The following COL11A1 variants were observed in gnomAD, a reference collection of about 807,000 sequenced individuals.
The protein encoded by COL11A1 is collagen type XI alpha 1 chain.
In COL11A1, 74 loss-of-function variants were observed where a neutral mutation model predicts 265.2. That is an observed-to-expected ratio of 0.28 (90% confidence interval 0.23 to 0.34). The LOEUF is 0.34. Among genes scored for constraint, COL11A1 ranks in the 10% least tolerant of loss-of-function variants. The pLI, the probability that COL11A1 is intolerant of heterozygous loss-of-function variation, is 1.00. For synonymous variants in COL11A1, 816 were observed against 727.6 expected (o/e 1.12, Z -1.96); for missense variants, 2,165 against 2,263.6 (o/e 0.96, Z 0.88).
intron 47 of COL11A1, among the ~76,000 whole-genome samples, chr1:102,923,000 G>A (rs1557825191): frequency 4.6e-5 from 7 of 152,060 alleles, no homozygotes. Flanking sequence ...TTCAGTTCAG[G>A]TCTTAGAGAG....
chr1:103,042,539 T>C (rs1294366254), intron 4 of COL11A1, among the ~76,000 whole-genome samples: 2 of 151,916 alleles, frequency 1.3e-5, no homozygotes, highest in East Asian at 1.9e-4. Flanking sequence ...CTCCCGCAGG[T>C]TGGTTTCCGG....
chr1:103,031,262 A>G lies in COL11A1; in HGVS notation c.652-18T>C, dbSNP rs200309861. The stretch of plus-strand genomic sequence containing the variant: ...ATGTCCCCCTGGGAAAAAAAAAAAA[A>G]CAAAAACAAACAGACACAGATTCAG... On this transcript the variant is annotated intron_variant, in intron 4 of 66. Coordinates refer to ENST00000370096, the MANE Select transcript of COL11A1 (RefSeq NM_001854.4). The G allele has an allele frequency of 9.2e-6, 14 of 1,524,312 alleles. No individual in the cohort carries two copies. In the South Asian group the frequency reaches 1.5e-4, roughly 16 times the overall value. 94.4% of individuals were successfully genotyped at this position (1,524,312 alleles called of 1,614,324 possible).
At chr1:102,932,783 G>A (rs1045892754) in intron 46 of COL11A1, among the ~76,000 whole-genome samples, 4 of 151,440 alleles carry the variant, frequency 2.6e-5, no homozygotes, top group African/African-American at 7.3e-5. Context: ...TGGAGGCTTT[G>A]CTCATTTCTT....
At chr1:102,973,557 A>C (rs1409701653) in intron 36 of COL11A1, among the ~76,000 whole-genome samples, 3 of 152,212 alleles carry the variant, frequency 2.0e-5, no homozygotes, top group African/African-American at 2.4e-5. Context: ...AATTATAAGA[A>C]TGTTTATAAA....
intron 4 of COL11A1, among the ~76,000 whole-genome samples, chr1:103,039,417 T>C (rs1410741775): frequency 6.6e-6 from 1 of 152,124 alleles, no homozygotes; most frequent in African/African-American, 2.4e-5. Flanking sequence ...TGACTGTATT[T>C]GGAGACAGGG....
rs958923515 is a variant in COL11A1 at position 103,049,534 on chromosome 1, G to A, written c.652-18290C>T. Among the ~76,000 whole-genome samples, 4 of 152,168 alleles carry A rather than the reference G, an allele frequency of 2.6e-5. No individual in the cohort carries two copies. In the South Asian group the frequency reaches 6.2e-4, roughly 24 times the overall value. On this transcript the variant is annotated intron_variant, in intron 4 of 66. Coordinates refer to ENST00000370096, the MANE Select transcript of COL11A1 (RefSeq NM_001854.4). ...GGTTTCCTGAATACAGCACACTGAT[G>A]GGTCTTGACTCTTTATCCAATTTGC... is the stretch of plus-strand genomic sequence containing the variant.
intron 28 of COL11A1, among the ~76,000 whole-genome samples, chr1:102,993,313 T>C (rs929551858): frequency 2.6e-5 from 4 of 152,050 alleles, no homozygotes; most frequent in African/African-American, 9.7e-5. Flanking sequence ...TACAGTCTTC[T>C]CTTGGTATCT....
At position 102,913,660 on chromosome 1, in the gene COL11A1, C is replaced by T. The variant is rs1654969028; in HGVS notation, c.4009G>A (p.Glu1337Lys). The T allele has an allele frequency of 1.2e-6, 2 of 1,613,442 alleles. No individual in the cohort carries two copies. The highest frequency in any genetic ancestry group is 2.2e-5 in the South Asian group (2 of 91,072). Residue 1337 changes from glutamate to lysine, a missense_variant, in exon 53 of 67, where the codon GAA (glutamate) becomes AAA (lysine). By Grantham distance (56) the Glu-to-Lys change is moderately conservative. Transcript: ENST00000370096. ...GQDGVGGDKG[E>K]DGDPGQPGPP... The stretch of plus-strand genomic sequence containing the variant: ...ACCGGTTGACCAGGATCTCCATCTT[C>T]ACCCTTGTCACCACCAACACCATCT...
At chr1:102,928,663 T>C (rs1487539885) in intron 46 of COL11A1, among the ~76,000 whole-genome samples, 55 of 150,744 alleles carry the variant, frequency 3.6e-4, no homozygotes, top group Non-Finnish European at 7.0e-4. Context: ...CCCTGAGGAA[T>C]CGCCACACTG....
Position 103,001,910 on chromosome 1 carries a change from A to C in COL11A1, c.2142+15T>G. 5 of 1,612,758 alleles carry C rather than the reference A, an allele frequency of 3.1e-6. No individual in the cohort carries two copies. Among genetic ancestry groups the C allele is most frequent in the Non-Finnish European group, 4.2e-6 (5 of 1,178,794 alleles). ...CATGTTCACCAGGCTTTACGAGAACAACAGAGTAACTTACTTTTTCACCAG... is the reference window on the plus strand; with the variant it reads ...CATGTTCACCAGGCTTTACGAGAACCACAGAGTAACTTACTTTTTCACCAG... On this transcript the variant is annotated intron_variant, in intron 24 of 66. Coordinates refer to ENST00000370096, the MANE Select transcript of COL11A1 (RefSeq NM_001854.4).
In COL11A1 at chr1:103,053,020, TA is replaced by T. The variant is rs1436506601; in HGVS notation, c.651+21597del. The stretch of plus-strand genomic sequence containing the variant: ...AATAATAGACCTTAAAAGGGGGAAA[TA>T]AAACTAAGGTCATCAATACAGAGAC... On this transcript the variant is annotated intron_variant, in intron 4 of 66. Transcript: ENST00000370096. Among the ~76,000 whole-genome samples, 6 of 152,054 alleles carry T rather than the reference TA, an allele frequency of 3.9e-5. No individual in the cohort carries two copies. In the East Asian group the frequency reaches 1.2e-3, roughly 29 times the overall value.
chr1:103,051,016 G>A (rs893382516), intron 4 of COL11A1, among the ~76,000 whole-genome samples: 4 of 152,200 alleles, frequency 2.6e-5, no homozygotes, highest in African/African-American at 7.2e-5. Context: ...CCCCTACTGG[G>A]GGATGCCTCC....
At chr1:103,063,117 T>C (rs1220028843) in intron 4 of COL11A1, among the ~76,000 whole-genome samples, 1 of 152,070 alleles carries the variant, frequency 6.6e-6, no homozygotes, top group Non-Finnish European at 1.5e-5. Flanking sequence ...AATGACTCAA[T>C]ACTGTCAAGA....
At chr1:102,984,901 G>A (rs1663390991) in intron 30 of COL11A1, among the ~76,000 whole-genome samples, 1 of 151,870 alleles carries the variant, frequency 6.6e-6, no homozygotes, top group South Asian at 2.1e-4. Flanking sequence ...ATCTGAAAGT[G>A]CTAAAACAAA....
chr1:102,936,694 A>C (rs574287225), intron 44 of COL11A1, among the ~76,000 whole-genome samples: 1 of 152,318 alleles, frequency 6.6e-6, no homozygotes, highest in South Asian at 2.1e-4. Flanking sequence ...CAAATTATCA[A>C]TGAAGGATAT....
Position 103,002,826 on chromosome 1 carries a change from A to G in COL11A1, c.1999-35T>C, listed in dbSNP as rs765624412. On this transcript the variant is annotated intron_variant, in intron 21 of 66. Transcript: ENST00000370096. ...AGAAAAAGTATTTATGGTTGTTTATATGTTTTGATGCTAAAACAGAAAATC... is the reference window on the plus strand; with the variant it reads ...AGAAAAAGTATTTATGGTTGTTTATGTGTTTTGATGCTAAAACAGAAAATC... 8 of 1,587,836 alleles carry G rather than the reference A, an allele frequency of 5.0e-6. No individual in the cohort carries two copies. In the East Asian group the frequency reaches 6.7e-5, roughly 13 times the overall value.
chr1:102,921,411 TATTAAACA>T (rs1655974224), intron 48 of COL11A1, 99 bp downstream of exon 48: 1 of 899,556 alleles, frequency 1.1e-6, no homozygotes, highest in African/African-American at 1.7e-5. Context: ...AACCACTTAA[TATTAAACA>T]ATAGTTTAAT....
chr1:102,938,762 T>C (rs1241116410), intron 44 of COL11A1, among the ~76,000 whole-genome samples: 1 of 152,144 alleles, frequency 6.6e-6, no homozygotes, highest in Non-Finnish European at 1.5e-5. Flanking sequence ...CTCATAATCA[T>C]ACAAAAAAGA....
chr1:103,091,732 G>A (rs192602099), intron 1 of COL11A1, among the ~76,000 whole-genome samples: 19 of 151,816 alleles, frequency 1.3e-4, no homozygotes, highest in African/African-American at 3.1e-4. Flanking sequence ...ATATACACAC[G>A]AATACTATAA....
Sources: gnomAD v4.1 joint callset for allele counts (sites outside exome capture counted in the v4.1 genomes callset) on GRCh38, gnomAD v4.1.1 for gene constraint, MANE v1.5 for transcripts, NCBI Gene and HGNC (gene_info 2026-07-23, HGNC 2026-07-21) for gene names.